PM20D2: variants seen among roughly 807,000 people sequenced by gnomAD.
PM20D2 encodes peptidase M20 domain containing 2, also known as xaa-Arg dipeptidase.
A neutral mutation model predicts 42.9 loss-of-function variants in PM20D2; 33 were observed. That is an observed-to-expected ratio of 0.77 (90% CI 0.58 to 1.03). The LOEUF (loss-of-function observed/expected upper bound fraction) is 1.03, where lower values mean the gene tolerates loss of function less well. Ranked by LOEUF, PM20D2 falls within the 50% of genes least tolerant of loss-of-function variation. The pLI is 0.00. For synonymous variants in PM20D2, 250 were observed against 228.2 expected (o/e 1.10, Z -0.86); for missense variants, 548 against 557.0 (o/e 0.98, Z 0.16).
chr6:89,145,230 G>GACATCTTGAATTTCTTC (rs1028356410), upstream of PM20D2, among the ~76,000 whole-genome samples: 6 of 152,154 alleles, frequency 3.9e-5, no homozygotes, highest in East Asian at 3.9e-4. Context: ...ACAAGAGCAT[G>GACATCTTGAATTTCTTC]ACATCTTGAA....
chr6:89,162,323 T>G lies in PM20D2; in HGVS notation c.*60T>G. On this transcript the variant is annotated 3_prime_UTR_variant, in exon 7 of 7. Transcript: ENST00000275072. ...TGATGATTTTTTTCTTTTAATCTCTTTTAATGAAGGCATGCTTGTTTTTTA... is the reference window on the plus strand; with the variant it reads ...TGATGATTTTTTTCTTTTAATCTCTGTTAATGAAGGCATGCTTGTTTTTTA... 6.7e-7 allele frequency: 1 copy of G among 1,484,726 alleles called. No homozygotes were observed. The highest frequency in any genetic ancestry group is 1.4e-5 in the African/African-American group (1 of 70,846). 92.0% of individuals were successfully genotyped at this position (1,484,726 alleles called of 1,614,324 possible). A position where few individuals can be genotyped will look rare whatever the true frequency, so the allele number is the denominator to read the frequency against.
At position 89,149,147 on chromosome 6, in the gene PM20D2, C is replaced by T. The variant is rs950296080; in HGVS notation, c.466-118C>T. 51 of 1,269,034 alleles carry T rather than the reference C, an allele frequency of 4.0e-5. No homozygotes were observed. In the African/African-American group the frequency reaches 6.8e-4, roughly 17 times the overall value. The allele number at this position is 1,269,034 out of a possible 1,614,324, so 78.6% of individuals were successfully genotyped here. ...TTGCGTAAGCGTCATAGAACAAAAC[C>T]TGTCTTAATAGGTTAAGGACTTTAA... On this transcript the variant is annotated intron_variant, in intron 1 of 6. Transcript: ENST00000275072.
the PM20D2 span, among the ~76,000 whole-genome samples, chr6:89,133,589 T>G: frequency 1.3e-5 from 2 of 151,156 alleles, no homozygotes; most frequent in Admixed American, 1.3e-4. Flanking sequence ...CCTGTAGATA[T>G]GAATATGACC....
the PM20D2 span, among the ~76,000 whole-genome samples, chr6:89,125,527 C>T: frequency 8.6e-5 from 13 of 150,596 alleles, no homozygotes; most frequent in African/African-American, 3.2e-4. Context: ...ATGCCTGTAA[C>T]CTCAGAACTT....
At chr6:89,141,402 G>A (rs2127767005), upstream of PM20D2, among the ~76,000 whole-genome samples, 1 of 152,232 alleles carries the variant, frequency 6.6e-6, no homozygotes, top group Non-Finnish European at 1.5e-5. Flanking sequence ...GTCTCACTCT[G>A]TCACCCAGGC....
At chr6:89,113,258 C>T in the PM20D2 span, among the ~76,000 whole-genome samples, 1 of 152,280 alleles carries the variant, frequency 6.6e-6, no homozygotes, top group South Asian at 2.1e-4. Flanking sequence ...ACTGCAACCT[C>T]TGCCTCCCAG....
intron 3 of PM20D2, among the ~76,000 whole-genome samples, chr6:89,153,656 G>A (rs1470257471): frequency 6.6e-6 from 1 of 152,122 alleles, no homozygotes; most frequent in Non-Finnish European, 1.5e-5. Flanking sequence ...GGAGTGCAGT[G>A]GTGCAATCTC....
At chr6:89,159,579 A>G (rs760832529) in intron 5 of PM20D2, among the ~76,000 whole-genome samples, 11 of 152,224 alleles carry the variant, frequency 7.2e-5, no homozygotes, top group Non-Finnish European at 1.3e-4. Context: ...TTCTTTTTCA[A>G]GAGAGTTAGC....
chr6:89,159,289 G>T (rs529499151), intron 5 of PM20D2, among the ~76,000 whole-genome samples: 1 of 152,298 alleles, frequency 6.6e-6, no homozygotes, highest in African/African-American at 2.4e-5. Context: ...GGCAGTCAAC[G>T]AAGTGGTCAG....
At chr6:89,132,570 G>T in the PM20D2 span, among the ~76,000 whole-genome samples, 1 of 151,422 alleles carries the variant, frequency 6.6e-6, no homozygotes, top group Admixed American at 6.5e-5. Flanking sequence ...GACTGGATGG[G>T]CGCAGTGGCT....
rs1374357422 is a variant in PM20D2, at chr6:89,146,292, G to T, written c.148G>T (p.Glu50Ter). 4 of 1,581,468 alleles carry T rather than the reference G, an allele frequency of 2.5e-6. No individual in the cohort carries two copies. Among genetic ancestry groups the T allele is most frequent in the African/African-American group, 1.4e-5 (1 of 73,688 alleles). ...GAGCCGCGCGATCTGGAGCCAGCCC[G>T]AGCTGGCCTACGAGGAGCACCATGC... ...ALSRAIWSQPELAYEEHHAHR... is the reference protein window; with the variant it reads ...ALSRAIWSQP Residue 50 changes from glutamate (E) to a stop codon, truncating the protein, a stop_gained, in exon 1 of 7, where the codon GAG becomes TAG. Transcript: ENST00000275072. LOFTEE classifies it high-confidence loss of function.
the PM20D2 span, among the ~76,000 whole-genome samples, chr6:89,126,668 T>TAAAAAAA: frequency 9.6e-6 from 1 of 104,660 alleles, no homozygotes; most frequent in Non-Finnish European, 1.9e-5. Context: ...AGACTCCATC[T>TAAAAAAA]AAAAAAAAAA....
the PM20D2 span, chr6:89,098,684 G>C: frequency 1.2e-6 from 2 of 1,613,910 alleles, no homozygotes; most frequent in African/African-American, 2.7e-5. Context: ...CCCTTTGGGA[G>C]ATTTACACGG....
the PM20D2 span, among the ~76,000 whole-genome samples, chr6:89,125,181 C>G: frequency 0.055 from 8,347 of 152,226 alleles, 689 homozygotes; most frequent in African/African-American, 0.18. Context: ...TATATTTTCT[C>G]TTTTAAAAAG....
chr6:89,142,925 T>C (rs532917906), upstream of PM20D2, among the ~76,000 whole-genome samples: 5 of 152,334 alleles, frequency 3.3e-5, no homozygotes, highest in Admixed American at 1.3e-4. Flanking sequence ...CCCAGAGTGC[T>C]GGGATTACAG....
chr6:89,112,637 C>T, the PM20D2 span, among the ~76,000 whole-genome samples: 1 of 151,756 alleles, frequency 6.6e-6, no homozygotes, highest in South Asian at 2.1e-4. Flanking sequence ...GCCTTGAACT[C>T]CTGTCCTCAA....
chr6:89,140,620 T>C, the PM20D2 span, among the ~76,000 whole-genome samples: 9 of 152,316 alleles, frequency 5.9e-5, no homozygotes, highest in Admixed American at 3.3e-4. Context: ...AGAGAAATGT[T>C]CTTGTTAACC....
chr6:89,099,599 G>A, the PM20D2 span, among the ~76,000 whole-genome samples: 13 of 147,428 alleles, frequency 8.8e-5, no homozygotes, highest in African/African-American at 3.0e-4. Context: ...GCAATGGCAC[G>A]ATCTCAGCTC....
At chr6:89,102,639 G>A in the PM20D2 span, among the ~76,000 whole-genome samples, 1 of 152,122 alleles carries the variant, frequency 6.6e-6, no homozygotes, top group African/African-American at 2.4e-5. Context: ...AGAAAAGGGA[G>A]TTGAGGAGCA....
Sources: allele counts gnomAD v4.1 joint callset (sites outside exome capture counted in the v4.1 genomes callset), GRCh38; gene constraint gnomAD v4.1.1; transcripts MANE v1.5; gene names NCBI Gene and HGNC (gene_info 2026-07-23, HGNC 2026-07-21).